CDKAL1: variants seen among roughly 807,000 people sequenced by gnomAD.
The protein encoded by CDKAL1 is CDKAL1 threonylcarbamoyladenosine tRNA methylthiotransferase.
In CDKAL1, 32 loss-of-function variants were observed where a neutral mutation model predicts 68.2. The observed-to-expected ratio is 0.47, with a 90% CI of 0.35 to 0.63. CDKAL1 has a LOEUF of 0.63. CDKAL1 is among the 30% of genes least tolerant of loss of function. CDKAL1 has a pLI of 0.00. For synonymous variants in CDKAL1, 234 were observed against 244.3 expected, an observed-to-expected ratio of 0.96 and a Z score of 0.39; for missense variants, 606 against 696.7, an observed-to-expected ratio of 0.87 and a Z score of 1.47.
chr6:20,925,767 C>CT (rs1213015669), intron 9 of CDKAL1, among the ~76,000 whole-genome samples: 2 of 152,054 alleles, frequency 1.3e-5, no homozygotes, highest in African/African-American at 4.8e-5. Context: ...ACTAGAACCT[C>CT]TATCAATAGT....
At chr6:20,536,129 G>T (rs1393596535) in intron 2 of CDKAL1, among the ~76,000 whole-genome samples, 11 of 150,648 alleles carry the variant, frequency 7.3e-5, no homozygotes, top group Non-Finnish European at 1.6e-4. Context: ...GTAGCGATAG[G>T]GTCCGTGTTG....
At chr6:20,544,917 C>G (rs1288393943) in intron 2 of CDKAL1, among the ~76,000 whole-genome samples, 1 of 151,876 alleles carries the variant, frequency 6.6e-6, no homozygotes, top group African/African-American at 2.4e-5. Context: ...GAAGTCCAAG[C>G]TCTCCCCACT....
intron 11 of CDKAL1, among the ~76,000 whole-genome samples, chr6:21,060,904 T>A (rs1417304062): frequency 3.9e-5 from 6 of 152,150 alleles, no homozygotes; most frequent in Non-Finnish European, 5.9e-5. Context: ...AGATGATTAG[T>A]ATGTGTATTA....
intron 9 of CDKAL1, among the ~76,000 whole-genome samples, chr6:20,872,281 A>AT (rs530935546): frequency 1.1e-4 from 16 of 152,244 alleles, no homozygotes; most frequent in African/African-American, 3.8e-4. Flanking sequence ...TAAAAAGTTT[A>AT]TTTTTCTATT....
intron 5 of CDKAL1, among the ~76,000 whole-genome samples, chr6:20,678,870 CT>C (rs1319077645): frequency 2.6e-5 from 4 of 151,932 alleles, no homozygotes; most frequent in Admixed American, 6.6e-5. Flanking sequence ...TCATTTATAA[CT>C]TCTAAATGCC....
intron 11 of CDKAL1, among the ~76,000 whole-genome samples, chr6:21,062,237 C>G (rs914700478): frequency 1.3e-5 from 2 of 152,134 alleles, no homozygotes; most frequent in Non-Finnish European, 2.9e-5. Flanking sequence ...ATTTCCCATG[C>G]AGTTTCTAAG....
chr6:20,896,941 C>T (rs554573242), intron 9 of CDKAL1, among the ~76,000 whole-genome samples: 2 of 152,178 alleles, frequency 1.3e-5, no homozygotes, highest in African/African-American at 2.4e-5. Flanking sequence ...TTATTTTCTA[C>T]TTGGACCTGT....
chr6:20,873,824 G>T (rs1024406359), intron 9 of CDKAL1, among the ~76,000 whole-genome samples: 1 of 152,170 alleles, frequency 6.6e-6, no homozygotes, highest in African/African-American at 2.4e-5. Context: ...TAAGAGACCA[G>T]GTTTCTCTTA....
chr6:20,984,817 G>C (rs187647312), intron 10 of CDKAL1, among the ~76,000 whole-genome samples: 2 of 148,382 alleles, frequency 1.3e-5, no homozygotes, highest in Non-Finnish European at 3.0e-5. Flanking sequence ...GTAACGGGGG[G>C]GGGTGGGGAA....
chr6:20,907,620 A>C (rs2150614188), intron 9 of CDKAL1, among the ~76,000 whole-genome samples: 1 of 152,328 alleles, frequency 6.6e-6, no homozygotes, highest in African/African-American at 2.4e-5. Context: ...AGGGAAGCCA[A>C]ACCACTGTGA....
intron 9 of CDKAL1, among the ~76,000 whole-genome samples, chr6:20,931,705 G>A (rs1218956525): frequency 6.6e-6 from 1 of 152,134 alleles, no homozygotes; most frequent in African/African-American, 2.4e-5. Context: ...TCTGCCTCAT[G>A]CCTTTCCTTC....
chr6:20,955,359 C>T, intron 9 of CDKAL1, 60 bp from the exon 10 acceptor site: 1 of 1,514,032 alleles, frequency 6.6e-7, no homozygotes, highest in Non-Finnish European at 9.1e-7. Flanking sequence ...CAGTGAGCAG[C>T]TGTATGATGA....
intron 12 of CDKAL1, among the ~76,000 whole-genome samples, chr6:21,098,439 C>G (rs1773421187): frequency 6.6e-6 from 1 of 151,376 alleles, no homozygotes; most frequent in African/African-American, 2.4e-5. Context: ...AATTTAGAGC[C>G]TGGAGGGAAA....
At chr6:20,753,425 A>G (rs1774018865) in intron 6 of CDKAL1, among the ~76,000 whole-genome samples, 1 of 152,172 alleles carries the variant, frequency 6.6e-6, no homozygotes, top group South Asian at 2.1e-4. Flanking sequence ...TACCTTTTAT[A>G]TGTTTAGATT....
intron 5 of CDKAL1, among the ~76,000 whole-genome samples, chr6:20,706,516 T>G (rs768765982): frequency 6.6e-6 from 1 of 152,186 alleles, no homozygotes; most frequent in Non-Finnish European, 1.5e-5. Flanking sequence ...TCACTACCAT[T>G]TTAGATTTAT....
intron 9 of CDKAL1, among the ~76,000 whole-genome samples, chr6:20,848,156 C>CG (rs11417705): frequency 0.6 from 91,132 of 151,972 alleles, 28,091 homozygotes; most frequent in Non-Finnish European, 0.68. Context: ...CTTATGCAAA[C>CG]GTCTGACTGG....
intron 5 of CDKAL1, among the ~76,000 whole-genome samples, chr6:20,678,708 T>A (rs1770237666): frequency 1.3e-5 from 2 of 152,208 alleles, no homozygotes; most frequent in Admixed American, 1.3e-4. Context: ...TACTGTTTGA[T>A]GTGACTACAT....
intron 4 of CDKAL1, among the ~76,000 whole-genome samples, chr6:20,642,823 T>C (rs929804528): frequency 1.3e-5 from 2 of 152,060 alleles, no homozygotes; most frequent in East Asian, 1.9e-4. Flanking sequence ...TGCTACTCAT[T>C]GCAGTACTGT....
At chr6:20,748,709 T>G (rs1276787270) in intron 6 of CDKAL1, among the ~76,000 whole-genome samples, 1 of 150,930 alleles carries the variant, frequency 6.6e-6, no homozygotes. Flanking sequence ...TGCACTCAAC[T>G]GAAGTTTTTT....
Sources: gnomAD v4.1 joint callset for allele counts (sites outside exome capture counted in the v4.1 genomes callset) on GRCh38, gnomAD v4.1.1 for gene constraint, MANE v1.5 for transcripts, NCBI Gene and HGNC (gene_info 2026-07-23, HGNC 2026-07-21) for gene names.